The following TGFA variants were observed in gnomAD, a reference collection of about 807,000 sequenced individuals.
TGFA encodes the protein transforming growth factor alpha, also known as protransforming growth factor alpha.
TGFA carries 12 observed loss-of-function variants against 21.7 expected under a neutral mutation model. The observed-to-expected ratio is 0.55, with a 90% CI of 0.35 to 0.90. The LOEUF (loss-of-function observed/expected upper bound fraction) is 0.90, where lower values mean the gene tolerates loss of function less well. Among genes scored for constraint, TGFA ranks in the 40% least tolerant of loss-of-function variants. The pLI is 0.01. For synonymous variants in TGFA, 79 were observed against 88.1 expected (o/e 0.90, Z 0.58); for missense variants, 178 against 210.8 (o/e 0.84, Z 0.96).
chr2:70,504,455 TATATATATACAC>T (rs1671846771), intron 2 of TGFA, among the ~76,000 whole-genome samples: 4 of 73,956 alleles, frequency 5.4e-5, no homozygotes, highest in African/African-American at 4.1e-4. Context: ...TATATATATA[TATATATATACAC>T]ACATACATAC....
intron 2 of TGFA, among the ~76,000 whole-genome samples, chr2:70,478,910 GTTTAT>G (rs2103746593): frequency 6.6e-6 from 1 of 152,082 alleles, no homozygotes; most frequent in East Asian, 1.9e-4. Flanking sequence ...AAAAAATTTA[GTTTAT>G]TTTCTCAATT....
intron 2 of TGFA, among the ~76,000 whole-genome samples, chr2:70,490,494 G>A (rs1342309774): frequency 1.3e-5 from 2 of 152,242 alleles, no homozygotes; most frequent in Non-Finnish European, 2.9e-5. Flanking sequence ...AGTTACGTAA[G>A]TACAGTGGAA....
chr2:70,474,537 A>G (rs1167602392), intron 2 of TGFA, among the ~76,000 whole-genome samples: 1 of 152,228 alleles, frequency 6.6e-6, no homozygotes, highest in Non-Finnish European at 1.5e-5. Context: ...GGAACTATAC[A>G]TATGGAACTT....
At chr2:70,499,797 G>C (rs1162359460) in intron 2 of TGFA, among the ~76,000 whole-genome samples, 1 of 152,176 alleles carries the variant, frequency 6.6e-6, no homozygotes, top group Non-Finnish European at 1.5e-5. Context: ...ATTGGGGTGA[G>C]ACTGAGGAAG....
rs199513594 is a variant in TGFA, at chr2:70,514,828, C to T, written c.94+31G>A. 96 of 1,610,494 alleles carry T rather than the reference C, an allele frequency of 6.0e-5. No individual in the cohort carries two copies. The highest frequency in any genetic ancestry group is 5.0e-5 in the Admixed American group (3 of 59,774). ...AGCAGGCCCGCTCCCTTCCCACACA[C>T]GATCCACACACCCACGGCAGCTGCA... On this transcript the variant is annotated intron_variant, in intron 2 of 5. Transcript: ENST00000295400.
chr2:70,459,964 C>T (rs76863526), intron 3 of TGFA, among the ~76,000 whole-genome samples: 2,270 of 152,268 alleles, frequency 0.015, 62 homozygotes, highest in African/African-American at 0.053. Flanking sequence ...AAGAACAGTG[C>T]GTCTTAGCCC....
chr2:70,528,227 G>T (rs1009308524), intron 1 of TGFA, among the ~76,000 whole-genome samples: 2 of 152,168 alleles, frequency 1.3e-5, no homozygotes, highest in Non-Finnish European at 2.9e-5. Flanking sequence ...CAATATTTTT[G>T]ATATATTTTG....
chr2:70,506,206 A>G (rs1671921952), intron 2 of TGFA, among the ~76,000 whole-genome samples: 1 of 152,192 alleles, frequency 6.6e-6, no homozygotes, highest in South Asian at 2.1e-4. Flanking sequence ...TTTCTTTACC[A>G]AAGTCCTGGG....
chr2:70,466,536 AAC>A (rs1355065592), intron 2 of TGFA, among the ~76,000 whole-genome samples: 1 of 152,086 alleles, frequency 6.6e-6, no homozygotes, highest in Non-Finnish European at 1.5e-5. Flanking sequence ...AAAACAAACA[AAC>A]AAAAAAACCA....
intron 1 of TGFA, chr2:70,553,054 G>A: frequency 1.0e-6 from 1 of 978,272 alleles, no homozygotes; most frequent in South Asian, 1.7e-5. Flanking sequence ...CATTTCCAAG[G>A]ACATACTCAA....
At chr2:70,469,055 G>T (rs1020074814) in intron 2 of TGFA, among the ~76,000 whole-genome samples, 7 of 152,048 alleles carry the variant, frequency 4.6e-5, no homozygotes, top group Admixed American at 6.5e-5. Context: ...TCCACAAAAG[G>T]CCGTTTAAAC....
At chr2:70,534,526 A>T (rs1437603448) in intron 1 of TGFA, among the ~76,000 whole-genome samples, 2 of 152,156 alleles carry the variant, frequency 1.3e-5, no homozygotes, top group Admixed American at 1.3e-4. Context: ...CTTCAAATCA[A>T]ACACCTTTAA....
chr2:70,526,893 AAG>A (rs1672653824), intron 1 of TGFA, among the ~76,000 whole-genome samples: 1 of 152,224 alleles, frequency 6.6e-6, no homozygotes. Flanking sequence ...AGTCCCATGT[AAG>A]AGTGCAGTGA....
chr2:70,481,685 G>T (rs766115), intron 2 of TGFA, among the ~76,000 whole-genome samples: 42,192 of 152,096 alleles, frequency 0.28, 6,558 homozygotes, highest in East Asian at 0.39. Flanking sequence ...CAGAGACTAG[G>T]TCATAAAAGG....
intron 2 of TGFA, among the ~76,000 whole-genome samples, chr2:70,472,391 TGA>T (rs1367622005): frequency 2.0e-5 from 3 of 152,200 alleles, no homozygotes; most frequent in Admixed American, 6.5e-5. Context: ...ATGAAATTTA[TGA>T]GAGGCCCCTC....
At position 70,450,002 on chromosome 2, in the gene TGFA, T is replaced by A. The variant is rs1553489328; in HGVS notation, c.*857A>T. 1 of 152,316 alleles carries A rather than the reference T, an allele frequency of 6.6e-6. No individual in the cohort carries two copies. Among genetic ancestry groups the A allele is most frequent in the Admixed American group, 6.5e-5 (1 of 15,300 alleles). The allele number at this position is 152,316 out of a possible 1,614,324, so 9.4% of individuals were successfully genotyped here. ...CGTATTGAGGCATTTACCGGCTTTGTGGCTTCAATGGCACCATTTCTGAAC... is the reference window on the plus strand; with the variant it reads ...CGTATTGAGGCATTTACCGGCTTTGAGGCTTCAATGGCACCATTTCTGAAC... On this transcript the variant is annotated 3_prime_UTR_variant, in exon 6 of 6. Transcript: ENST00000295400.
At chr2:70,523,561 C>A (rs1187080939) in intron 1 of TGFA, among the ~76,000 whole-genome samples, 1 of 152,172 alleles carries the variant, frequency 6.6e-6, no homozygotes, top group Non-Finnish European at 1.5e-5. Context: ...TTTCTACCAG[C>A]CTTCCAGGTC....
At chr2:70,484,051 T>C (rs7579830) in intron 2 of TGFA, among the ~76,000 whole-genome samples, 9,384 of 152,286 alleles carry the variant, frequency 0.062, 363 homozygotes, top group Middle Eastern at 0.12. Context: ...TGGGATCACA[T>C]GTGGTTTTAC....
At chr2:70,469,016 G>A (rs1553492766) in intron 2 of TGFA, among the ~76,000 whole-genome samples, 1 of 152,148 alleles carries the variant, frequency 6.6e-6, no homozygotes, top group Non-Finnish European at 1.5e-5. Flanking sequence ...CTCATTTGAT[G>A]TACATGTTCA....
Sources: allele counts gnomAD v4.1 joint callset (sites outside exome capture counted in the v4.1 genomes callset), GRCh38; gene constraint gnomAD v4.1.1; transcripts MANE v1.5; gene names NCBI Gene and HGNC (gene_info 2026-07-23, HGNC 2026-07-21).